The following ST6GALNAC3 variants were observed in gnomAD, a reference collection of about 807,000 sequenced individuals.
ST6GALNAC3 encodes ST6 N-acetylgalactosaminide alpha-2,6-sialyltransferase 3.
In ST6GALNAC3, 25 loss-of-function variants were observed where a neutral mutation model predicts 32.7. That is an observed-to-expected ratio of 0.76 (90% CI 0.56 to 1.07). The LOEUF (loss-of-function observed/expected upper bound fraction) is 1.07, where lower values mean the gene tolerates loss of function less well. Ranked by LOEUF, ST6GALNAC3 falls within the 50% of genes least tolerant of loss-of-function variation. The pLI is 0.00. For missense variants in ST6GALNAC3, 355 were observed against 382.4 expected, an observed-to-expected ratio of 0.93 and a Z score of 0.60; for synonymous variants, 129 against 133.1, an observed-to-expected ratio of 0.97 and a Z score of 0.21.
intron 2 of ST6GALNAC3, among the ~76,000 whole-genome samples, chr1:76,343,859 A>T (rs1420392083): frequency 6.6e-6 from 1 of 152,088 alleles, no homozygotes; most frequent in Non-Finnish European, 1.5e-5. Flanking sequence ...AAAGAATTAT[A>T]AAAAAAAGTT....
chr1:76,297,767 G>T (rs985208838), intron 1 of ST6GALNAC3, among the ~76,000 whole-genome samples: 1 of 152,002 alleles, frequency 6.6e-6, no homozygotes, highest in African/African-American at 2.4e-5. Flanking sequence ...TAATGGTACT[G>T]CAATTTTATC....
At chr1:76,620,268 G>A (rs1473571964) in intron 3 of ST6GALNAC3, among the ~76,000 whole-genome samples, 1 of 152,062 alleles carries the variant, frequency 6.6e-6, no homozygotes, top group Non-Finnish European at 1.5e-5. Context: ...TAAGAAGACA[G>A]AGGCTGAGAT....
intron 1 of ST6GALNAC3, among the ~76,000 whole-genome samples, chr1:76,259,134 G>A (rs1487996283): frequency 2.0e-5 from 3 of 152,130 alleles, no homozygotes; most frequent in African/African-American, 7.2e-5. Flanking sequence ...AGCTGAAATG[G>A]TCATGGTTTC....
Position 76,629,181 on chromosome 1 carries a change from A to G in ST6GALNAC3, c.*375A>G, listed in dbSNP as rs1198443529. 5.9e-6 allele frequency: 6 copies of G among 1,018,396 alleles called. No homozygotes were observed. Among genetic ancestry groups the G allele is most frequent in the African/African-American group, 1.7e-5 (1 of 57,576 alleles). 63.1% of individuals were successfully genotyped at this position (1,018,396 alleles called of 1,614,324 possible). On this transcript the variant is annotated 3_prime_UTR_variant, in exon 5 of 5. Transcript: ENST00000328299. ...CCAGAAGCCAAAAGAGTTTGGCTTC[A>G]TGAGGCAAGGTGATTGACTCAATGG...
intron 1 of ST6GALNAC3, among the ~76,000 whole-genome samples, chr1:76,279,981 G>C (rs1007067292): frequency 3.9e-4 from 18 of 46,174 alleles, no homozygotes; most frequent in Non-Finnish European, 6.2e-4. Flanking sequence ...TCTCTCTCCT[G>C]TCTCTCTCCT....
intron 1 of ST6GALNAC3, among the ~76,000 whole-genome samples, chr1:76,263,405 A>G (rs1368080948): frequency 1.3e-5 from 2 of 152,166 alleles, no homozygotes; most frequent in African/African-American, 4.8e-5. Context: ...TTATATGGGT[A>G]TCAAGTCTAA....
intron 3 of ST6GALNAC3, among the ~76,000 whole-genome samples, chr1:76,467,417 A>G (rs1353310732): frequency 6.6e-6 from 1 of 151,996 alleles, no homozygotes; most frequent in Non-Finnish European, 1.5e-5. Context: ...ATCTATAAAC[A>G]TTGCATAGGG....
chr1:76,325,604 G>C (rs1043566304), intron 2 of ST6GALNAC3, among the ~76,000 whole-genome samples: 13 of 150,916 alleles, frequency 8.6e-5, no homozygotes, highest in Non-Finnish European at 1.9e-4. Context: ...AAGAAAGTTA[G>C]CTATCTTTCA....
At chr1:76,559,039 A>G (rs1557570685) in intron 3 of ST6GALNAC3, among the ~76,000 whole-genome samples, 1 of 152,214 alleles carries the variant, frequency 6.6e-6, no homozygotes. Context: ...GTGTGACTAT[A>G]TATGAAAAAT....
chr1:76,200,659 G>A (rs552917107), intron 1 of ST6GALNAC3, among the ~76,000 whole-genome samples: 20 of 152,244 alleles, frequency 1.3e-4, no homozygotes, highest in African/African-American at 4.8e-4. Context: ...TGGCTTAAAT[G>A]TTATTGACAT....
At chr1:76,163,557 A>G (rs191614683) in intron 1 of ST6GALNAC3, among the ~76,000 whole-genome samples, 2 of 152,200 alleles carry the variant, frequency 1.3e-5, no homozygotes, top group Non-Finnish European at 2.9e-5. Flanking sequence ...TTACTGTAAG[A>G]CTCATTTTCT....
chr1:76,136,057 G>A (rs1285872408), intron 1 of ST6GALNAC3, among the ~76,000 whole-genome samples: 1 of 152,150 alleles, frequency 6.6e-6, no homozygotes, highest in Non-Finnish European at 1.5e-5. Flanking sequence ...CACAGGGCTG[G>A]GAAGCTGCAC....
intron 3 of ST6GALNAC3, among the ~76,000 whole-genome samples, chr1:76,483,237 C>T (rs920267846): frequency 1.3e-5 from 2 of 152,128 alleles, no homozygotes; most frequent in Non-Finnish European, 2.9e-5. Context: ...CGGGTATATA[C>T]CCAGTAATGG....
chr1:76,171,088 GGTGTGTGT>G (rs71071988), intron 1 of ST6GALNAC3, among the ~76,000 whole-genome samples: 5 of 149,482 alleles, frequency 3.3e-5, no homozygotes, highest in East Asian at 2.0e-4. Context: ...CATTGAGAGG[GGTGTGTGT>G]GTGTGTGTGT....
At chr1:76,323,123 A>G (rs1252590797) in intron 2 of ST6GALNAC3, among the ~76,000 whole-genome samples, 1 of 152,214 alleles carries the variant, frequency 6.6e-6, no homozygotes, top group Non-Finnish European at 1.5e-5. Flanking sequence ...ACATTTATGA[A>G]TCCCAAAGTA....
At chr1:76,439,846 A>G (rs989989011) in intron 3 of ST6GALNAC3, among the ~76,000 whole-genome samples, 9 of 152,214 alleles carry the variant, frequency 5.9e-5, no homozygotes, top group African/African-American at 1.9e-4. Context: ...ACTGATCAGA[A>G]GCAGCTTCCA....
chr1:76,240,264 T>C (rs1268971811), intron 1 of ST6GALNAC3, among the ~76,000 whole-genome samples: 1 of 152,260 alleles, frequency 6.6e-6, no homozygotes, highest in Non-Finnish European at 1.5e-5. Context: ...ATGTTTTACG[T>C]AGAACTGCTT....
chr1:76,340,249 C>G (rs2100988471), intron 2 of ST6GALNAC3, among the ~76,000 whole-genome samples: 1 of 152,348 alleles, frequency 6.6e-6, no homozygotes, highest in African/African-American at 2.4e-5. Flanking sequence ...AGGGAAATAG[C>G]TATTGGCCTC....
At chr1:76,158,148 G>T (rs567699647) in intron 1 of ST6GALNAC3, among the ~76,000 whole-genome samples, 11 of 152,350 alleles carry the variant, frequency 7.2e-5, no homozygotes, top group African/African-American at 1.9e-4. Flanking sequence ...CCATCTGTGG[G>T]GTGGTTGTGA....
Sources: allele counts gnomAD v4.1 joint callset (sites outside exome capture counted in the v4.1 genomes callset), GRCh38; gene constraint gnomAD v4.1.1; transcripts MANE v1.5; gene names NCBI Gene and HGNC (gene_info 2026-07-23, HGNC 2026-07-21).